Variants in LGMN observed in about 807,000 individuals in gnomAD.
The protein encoded by LGMN is legumain.
LGMN carries 36 observed loss-of-function variants against 56.8 expected under a neutral mutation model. The observed-to-expected ratio is 0.63, with a 90% CI of 0.49 to 0.84. The LOEUF (loss-of-function observed/expected upper bound fraction) is 0.84. Among genes scored for constraint, LGMN ranks in the 40% least tolerant of loss-of-function variants. LGMN has a pLI of 0.00. For missense variants in LGMN, 446 were observed against 556.1 expected (o/e 0.80, Z 1.99); for synonymous variants, 199 against 210.1 (o/e 0.95, Z 0.46).
chr14:92,723,493 C>A (rs1240891590), intron 2 of LGMN, among the ~76,000 whole-genome samples: 1 of 152,180 alleles, frequency 6.6e-6, no homozygotes, highest in Non-Finnish European at 1.5e-5. Context: ...AATGGGCAGG[C>A]AAAACGTGGT....
intron 10 of LGMN, among the ~76,000 whole-genome samples, chr14:92,710,906 G>T (rs935171835): frequency 6.6e-6 from 1 of 152,216 alleles, no homozygotes; most frequent in Non-Finnish European, 1.5e-5. Flanking sequence ...CCCTGCTGAA[G>T]GGCTAACCAT....
rs988654110 is a variant in LGMN at position 92,735,097 on chromosome 14, A to AGT, written c.-29-2284_-29-2283dup. On this transcript the variant is annotated intron_variant, in intron 1 of 13. Transcript: ENST00000334869. ...TCCAGTAACTAAATAGGAAGTGCTGAGTCTTGAAAAGTGTCTTAGACAAGT... is the reference window on the plus strand; with the variant it reads ...TCCAGTAACTAAATAGGAAGTGCTGAGTGTCTTGAAAAGTGTCTTAGACAAGT... Among the ~76,000 whole-genome samples, 3 of 58,366 alleles carry AGT rather than the reference A, an allele frequency of 5.1e-5. No individual in the cohort carries two copies. The African/African-American group carries it at 5.9e-4, about 11-fold the overall frequency. 38.3% of individuals were successfully genotyped at this position (58,366 alleles called of 152,430 possible).
intron 3 of LGMN, 140 bp from the exon 4 acceptor site, chr14:92,717,601 A>T: frequency 1.7e-6 from 1 of 593,258 alleles, no homozygotes; most frequent in Non-Finnish European, 3.1e-6. Flanking sequence ...AGGGTGGCCA[A>T]CGTGTGAGTG....
At chr14:92,718,109 G>A (rs554464958) in intron 3 of LGMN, among the ~76,000 whole-genome samples, 8 of 152,276 alleles carry the variant, frequency 5.3e-5, no homozygotes, top group South Asian at 2.1e-4. Context: ...AACATTCTAC[G>A]TGCAGGTCCC....
chr14:92,709,098 G>T (rs965900697), intron 11 of LGMN, among the ~76,000 whole-genome samples: 2 of 151,878 alleles, frequency 1.3e-5, no homozygotes, highest in South Asian at 2.1e-4. Flanking sequence ...TGGAAAGGAC[G>T]GCATAAGCAT....
At chr14:92,731,424 A>G (rs940754367) in intron 2 of LGMN, among the ~76,000 whole-genome samples, 1 of 152,250 alleles carries the variant, frequency 6.6e-6, no homozygotes, top group African/African-American at 2.4e-5. Context: ...TCATTCCTGC[A>G]AAGAGAGACC....
Position 92,704,160 on chromosome 14 carries a change from C to T in LGMN, c.*159G>A, listed in dbSNP as rs1164807550. The T allele has an allele frequency of 1.2e-6, 1 of 849,874 alleles. No individual in the cohort carries two copies. Among genetic ancestry groups the T allele is most frequent in the Non-Finnish European group, 2.0e-6 (1 of 499,254 alleles). 52.6% of individuals were successfully genotyped at this position (849,874 alleles called of 1,614,324 possible). On this transcript the variant is annotated 3_prime_UTR_variant, in exon 14 of 14. Coordinates refer to ENST00000334869, the MANE Select transcript of LGMN (RefSeq NM_005606.7). ...GACTGGGGAAGCAGGTAACAGCGAG[C>T]AAGTCATCTTGTGAAGAAGGTCCTG...
chr14:92,745,698 T>C (rs1282165013), intron 1 of LGMN, among the ~76,000 whole-genome samples: 1 of 152,240 alleles, frequency 6.6e-6, no homozygotes, highest in East Asian at 1.9e-4. Flanking sequence ...CTGCCCCTTG[T>C]ATACAAATGT....
intron 1 of LGMN, among the ~76,000 whole-genome samples, chr14:92,737,770 A>G (rs1193988428): frequency 6.6e-6 from 1 of 152,242 alleles, no homozygotes; most frequent in Non-Finnish European, 1.5e-5. Flanking sequence ...TTACAGCCAG[A>G]GACAATATAT....
intron 11 of LGMN, among the ~76,000 whole-genome samples, chr14:92,707,941 C>G (rs770910514): frequency 2.6e-5 from 4 of 152,070 alleles, no homozygotes; most frequent in Non-Finnish European, 5.9e-5. Flanking sequence ...CACTTGAGGC[C>G]AGGAGTTTGA....
intron 12 of LGMN, 54 bp from the exon 13 acceptor site, chr14:92,704,761 A>G: frequency 6.9e-7 from 1 of 1,439,482 alleles, no homozygotes; most frequent in Admixed American, 1.7e-5. Flanking sequence ...CACACAATCC[A>G]CTCCACTTTT....
intron 5 of LGMN, chr14:92,715,911 T>C (rs945881027): frequency 1.2e-5 from 4 of 338,448 alleles, no homozygotes; most frequent in Non-Finnish European, 2.2e-5. Context: ...TTATTAATAA[T>C]GAGGGGCCCT....
chr14:92,736,447 T>G (rs138567647), intron 1 of LGMN, among the ~76,000 whole-genome samples: 2,047 of 151,846 alleles, frequency 0.013, 45 homozygotes, highest in African/African-American at 0.048. Flanking sequence ...AATACAAAAT[T>G]TAGCTGGGCG....
At chr14:92,719,648 A>G (rs1215007096) in intron 2 of LGMN, among the ~76,000 whole-genome samples, 2 of 152,222 alleles carry the variant, frequency 1.3e-5, no homozygotes, top group African/African-American at 4.8e-5. Flanking sequence ...CAAAAGTCCA[A>G]CTCAGGAATT....
At chr14:92,740,118 C>T (rs999954340) in intron 1 of LGMN, among the ~76,000 whole-genome samples, 6 of 152,220 alleles carry the variant, frequency 3.9e-5, no homozygotes, top group Admixed American at 6.5e-5. Flanking sequence ...CGTGGTTGTA[C>T]ATGCCTGTAA....
chr14:92,713,948 T>G, intron 6 of LGMN, 63 bp from the exon 7 acceptor site: 1 of 1,241,720 alleles, frequency 8.1e-7, no homozygotes, highest in South Asian at 1.2e-5. Flanking sequence ...GATAAGCCAC[T>G]AGTAAAGTTC....
chr14:92,717,930 C>T (rs1189626586), intron 3 of LGMN, among the ~76,000 whole-genome samples: 6 of 152,146 alleles, frequency 3.9e-5, no homozygotes, highest in Admixed American at 2.6e-4. Context: ...AGGGTGACCA[C>T]GGAGCTAGGA....
intron 2 of LGMN, among the ~76,000 whole-genome samples, chr14:92,719,382 C>T (rs1890341663): frequency 1.3e-5 from 2 of 150,136 alleles, no homozygotes; most frequent in Admixed American, 1.3e-4. Context: ...CCAACACCGC[C>T]ACCAACACCG....
rs150124791 is a variant in LGMN at position 92,721,609 on chromosome 14, G to A, written c.139-2765C>T. 6.7e-4 allele frequency among the ~76,000 whole-genome samples: 102 copies of A among 152,310 alleles called. No individual in the cohort carries two copies. In the Middle Eastern group the frequency reaches 0.01, roughly 15 times the overall value. On this transcript the variant is annotated intron_variant, in intron 2 of 13. Transcript: ENST00000334869. ...ACATCTTGACATTATCAATGAGGTT[G>A]AACCACACACCCTCCAACCAAGCAA...
Sources: gnomAD v4.1 joint callset for allele counts (sites outside exome capture counted in the v4.1 genomes callset) on GRCh38, gnomAD v4.1.1 for gene constraint, MANE v1.5 for transcripts, NCBI Gene and HGNC (gene_info 2026-07-23, HGNC 2026-07-21) for gene names.